The following BLTP3B variants were observed in gnomAD, a reference collection of about 807,000 sequenced individuals.
BLTP3B encodes the protein UHRF1 (ICBP90) binding protein 1-like.
chr12:100,041,924 T>C, the BLTP3B span, among the ~76,000 whole-genome samples: 715 of 152,016 alleles, frequency 4.7e-3, 4 homozygotes, highest in Non-Finnish European at 6.7e-3. Flanking sequence ...TTCAGTGAGG[T>C]TGCAGGATAA....
the BLTP3B span, chr12:100,039,818 A>G: frequency 6.4e-7 from 1 of 1,572,294 alleles, no homozygotes; most frequent in Non-Finnish European, 8.6e-7. Flanking sequence ...TGCTCAGATA[A>G]CATTTCCAAA....
the BLTP3B span, chr12:100,051,281 T>C: frequency 6.9e-7 from 1 of 1,459,338 alleles, no homozygotes; most frequent in Non-Finnish European, 9.2e-7. Context: ...GATCTAACAC[T>C]GTATGCTTAT....
At chr12:100,086,677 T>G in the BLTP3B span, among the ~76,000 whole-genome samples, 1 of 152,144 alleles carries the variant, frequency 6.6e-6, no homozygotes, top group African/African-American at 2.4e-5. Flanking sequence ...TTTAAATACT[T>G]TAGGTAAACT....
At chr12:100,142,318 G>A in the BLTP3B span, among the ~76,000 whole-genome samples, 1 of 152,070 alleles carries the variant, frequency 6.6e-6, no homozygotes, top group East Asian at 1.9e-4. Flanking sequence ...CGCCGCGCCG[G>A]GAGCGATCCC....
At chr12:100,124,963 TATATATATATATA>T in the BLTP3B span, among the ~76,000 whole-genome samples, 2 of 117,146 alleles carry the variant, frequency 1.7e-5, no homozygotes, top group African/African-American at 6.1e-5. Flanking sequence ...TATATATATA[TATATATATATATA>T]TATTTATATT....
chr12:100,123,674 G>A, the BLTP3B span, among the ~76,000 whole-genome samples: 8 of 152,022 alleles, frequency 5.3e-5, no homozygotes, highest in Non-Finnish European at 1.0e-4. Flanking sequence ...TTAACGTCAA[G>A]GCATAAATTT....
chr12:100,069,207 A>T, the BLTP3B span, among the ~76,000 whole-genome samples: 1 of 152,174 alleles, frequency 6.6e-6, no homozygotes. Context: ...GTAAGACTCC[A>T]TCTCAAAAAA....
At chr12:100,102,266 T>C in the BLTP3B span, among the ~76,000 whole-genome samples, 1 of 152,018 alleles carries the variant, frequency 6.6e-6, no homozygotes, top group Non-Finnish European at 1.5e-5. Context: ...CATGGCGCCA[T>C]GCCCAGCTAA....
At chr12:100,070,722 G>T in the BLTP3B span, among the ~76,000 whole-genome samples, 1 of 152,194 alleles carries the variant, frequency 6.6e-6, no homozygotes, top group Admixed American at 6.5e-5. Flanking sequence ...GGGTGGGTGC[G>T]GTGGCTCATG....
the BLTP3B span, chr12:100,050,949 G>T: frequency 1.6e-6 from 2 of 1,260,674 alleles, no homozygotes; most frequent in Non-Finnish European, 2.1e-6. Flanking sequence ...AAGAACAAAA[G>T]CTGCAAATTG....
chr12:100,132,894 G>C, the BLTP3B span, among the ~76,000 whole-genome samples: 4 of 151,994 alleles, frequency 2.6e-5, no homozygotes, highest in Admixed American at 2.6e-4. Context: ...GTTACAGTGA[G>C]CTGAGATTGT....
the BLTP3B span, among the ~76,000 whole-genome samples, chr12:100,087,292 T>C: frequency 6.6e-6 from 1 of 151,956 alleles, no homozygotes; most frequent in African/African-American, 2.4e-5. Context: ...AAATCAAATT[T>C]TAAAACAAAA....
chr12:100,107,705 T>C, the BLTP3B span, among the ~76,000 whole-genome samples: 1 of 152,144 alleles, frequency 6.6e-6, no homozygotes, highest in Non-Finnish European at 1.5e-5. Flanking sequence ...TTAGTTCTCA[T>C]GTCTTCATTT....
At chr12:100,126,270 C>T in the BLTP3B span, among the ~76,000 whole-genome samples, 3 of 152,114 alleles carry the variant, frequency 2.0e-5, no homozygotes, top group Non-Finnish European at 4.4e-5. Flanking sequence ...ACAGTAGACA[C>T]AGATGTAAGA....
the BLTP3B span, among the ~76,000 whole-genome samples, chr12:100,125,474 G>A: frequency 1.3e-5 from 2 of 151,984 alleles, no homozygotes; most frequent in African/African-American, 4.8e-5. Context: ...AACATAGGGA[G>A]ACCCCATCTC....
the BLTP3B span, among the ~76,000 whole-genome samples, chr12:100,084,845 T>C: frequency 6.6e-6 from 1 of 152,122 alleles, no homozygotes; most frequent in Non-Finnish European, 1.5e-5. Context: ...GGAAAGAATG[T>C]CAAAAGCAAA....
the BLTP3B span, among the ~76,000 whole-genome samples, chr12:100,135,563 G>A: frequency 6.6e-5 from 10 of 151,932 alleles, no homozygotes; most frequent in Admixed American, 3.3e-4. Context: ...CACCACACCC[G>A]GCCTCAAATA....
At chr12:100,083,026 T>C in the BLTP3B span, 9 of 1,612,670 alleles carry the variant, frequency 5.6e-6, no homozygotes, top group South Asian at 1.1e-5. Context: ...CTGGTATATA[T>C]TGAAATCTGC....
chr12:100,078,950 T>C, the BLTP3B span, among the ~76,000 whole-genome samples: 2 of 152,182 alleles, frequency 1.3e-5, no homozygotes, highest in African/African-American at 2.4e-5. Context: ...GTTTTAAAAA[T>C]AGGAGTTTCC....
Sources: gnomAD v4.1 joint callset for allele counts (sites outside exome capture counted in the v4.1 genomes callset) on GRCh38, gnomAD v4.1.1 for gene constraint, MANE v1.5 for transcripts, NCBI Gene and HGNC (gene_info 2026-07-23, HGNC 2026-07-21) for gene names.